GFPT2: variants seen among roughly 807,000 people sequenced by gnomAD.
The protein encoded by GFPT2 is glutamine--fructose-6-phosphate transaminase 2, also known as glutamine--fructose-6-phosphate aminotransferase [isomerizing] 2.
A neutral mutation model predicts 85.6 loss-of-function variants in GFPT2; 62 were observed. The ratio of observed to expected loss-of-function variants is 0.72; its 90% CI spans 0.59 to 0.90. The LOEUF (loss-of-function observed/expected upper bound fraction) is 0.90, where lower values mean the gene tolerates loss of function less well. Among genes scored for constraint, GFPT2 ranks in the 40% least tolerant of loss-of-function variants. The pLI is 0.00. For synonymous variants in GFPT2, 368 were observed against 344.5 expected (o/e 1.07, Z -0.75); for missense variants, 788 against 893.4 (o/e 0.88, Z 1.50).
intron 18 of GFPT2, 85 bp downstream of exon 18, chr5:180,302,338 A>G: frequency 2.1e-6 from 2 of 972,730 alleles, no homozygotes; most frequent in Non-Finnish European, 3.1e-6. Flanking sequence ...CTCTATGACT[A>G]TTTACTCCAA....
chr5:180,307,200 A>G lies in GFPT2; in HGVS notation c.1650T>C (p.Tyr550=), dbSNP rs73343449. 376,309 of 1,595,406 alleles carry G rather than the reference A, an allele frequency of 0.24. 45,164 individuals carry two copies. Among genetic ancestry groups the G allele is most frequent in the Non-Finnish European group, 0.25 (288,860 of 1,170,780 alleles). ...CCAGGGCTCCTTCCAGGCAGGTGGC[A>G]TAGTTGTAGCCCCGCCCCATCACCA... ...SLLVMGRGYN[Y]ATCLEGALKI... Residue 550 remains tyrosine (Y), a synonymous_variant, in exon 16 of 19, where the codon TAT becomes TAC. Transcript: ENST00000253778.
chr5:180,302,425 C>T lies in GFPT2; in HGVS notation c.2002G>A (p.Asp668Asn). 6.2e-7 allele frequency: 1 copy of T among 1,612,994 alleles called. No individual in the cohort carries two copies. Among genetic ancestry groups the T allele is most frequent in the Non-Finnish European group, 8.5e-7 (1 of 1,179,534 alleles). ...SFHLAVLRGY[D>N]VDFPRNLAKS... The stretch of plus-strand genomic sequence containing the variant: ...TTAGGTGCAGTTTTTAGACGCACGT[C>T]ATATCCTCGGAGAACAGCCAGGTGG... Residue 668 changes from aspartate (D) to asparagine (N), a missense_variant and splice_region_variant, in exon 18 of 19, where the codon GAC becomes AAC. Asp to Asn is a conservative substitution (Grantham distance 23). Transcript: ENST00000253778.
chr5:180,315,303 G>A (rs1287040773), intron 13 of GFPT2, among the ~76,000 whole-genome samples: 1 of 151,798 alleles, frequency 6.6e-6, no homozygotes, highest in Non-Finnish European at 1.5e-5. Context: ...TCAGCCTCCT[G>A]AGTAGCCGGG....
chr5:180,318,914 G>A lies in GFPT2; in HGVS notation c.837C>T (p.Asp279=), dbSNP rs199515597. ...CATCAGCCACTGCGGCGATGTCATC[G>A]TCCTCCAGGAAGATGACCCGGTTGG... ...EHTNRVIFLE[D]DDIAAVADGK... is the part of the protein sequence containing the mutation. The change falls in exon 10 of 19, where the codon GAC becomes GAT. Residue 279 remains aspartate (D), a synonymous_variant. Coordinates refer to ENST00000253778, the MANE Select transcript of GFPT2 (RefSeq NM_005110.4). This position sits in a 1 kb window ranked among gnomAD's most constrained non-coding sequence, Gnocchi z 4.2. 95 of 1,613,534 alleles carry A rather than the reference G, an allele frequency of 5.9e-5. No homozygotes were observed. The Admixed American group carries it at 1.0e-3, about 17-fold the overall frequency.
At chr5:180,333,681 G>C (rs1342811804) in intron 4 of GFPT2, among the ~76,000 whole-genome samples, 1 of 152,152 alleles carries the variant, frequency 6.6e-6, no homozygotes, top group African/African-American at 2.4e-5. Context: ...TAGTTGCTGG[G>C]CGTTCAGACT....
intron 10 of GFPT2, 144 bp from the exon 11 acceptor site, chr5:180,317,202 A>G: frequency 3.0e-6 from 2 of 669,424 alleles, no homozygotes; most frequent in Non-Finnish European, 2.7e-6. Context: ...ACTCACTACC[A>G]TCAGAGGGAA....
rs1167596922 is a variant in GFPT2 at position 180,300,975 on chromosome 5, T to C, written c.*589A>G. The C allele has an allele frequency of 6.5e-6, 1 of 153,084 alleles. No individual in the cohort carries two copies. The highest frequency in any genetic ancestry group is 1.9e-4 in the East Asian group (1 of 5,190). The allele number at this position is 153,084 out of a possible 1,614,324, so 9.5% of individuals were successfully genotyped here. On this transcript the variant is annotated 3_prime_UTR_variant, in exon 19 of 19. Coordinates refer to ENST00000253778, the MANE Select transcript of GFPT2 (RefSeq NM_005110.4). ...ATTTCAACTGGACTTATAGGAGGCA[T>C]AGGTGGATGCAGGAGGGGCTCCACG...
intron 7 of GFPT2, among the ~76,000 whole-genome samples, chr5:180,326,890 C>T (rs1389525949): frequency 6.6e-6 from 1 of 152,164 alleles, no homozygotes; most frequent in Admixed American, 6.5e-5. Context: ...ATTGCTTCTT[C>T]ACGCTGCCTT....
intron 13 of GFPT2, among the ~76,000 whole-genome samples, 177 bp from the exon 14 acceptor site, chr5:180,314,141 G>A (rs1382419170): frequency 6.6e-6 from 1 of 152,112 alleles, no homozygotes; most frequent in African/African-American, 2.4e-5. Flanking sequence ...TACATTCAAG[G>A]TGTGTTACTA....
chr5:180,327,912 A>C (rs1227818287), intron 7 of GFPT2, among the ~76,000 whole-genome samples: 2 of 151,990 alleles, frequency 1.3e-5, no homozygotes, highest in Non-Finnish European at 2.9e-5. Context: ...TCATGTTCAT[A>C]ATTTTGCTTT....
chr5:180,340,123 C>T (rs1254478413), intron 1 of GFPT2, among the ~76,000 whole-genome samples: 1 of 152,028 alleles, frequency 6.6e-6, no homozygotes, highest in Non-Finnish European at 1.5e-5. Context: ...GCCCGTTCCT[C>T]ACAGACAGTG....
chr5:180,303,224 C>T (rs149498673), intron 17 of GFPT2, among the ~76,000 whole-genome samples: 4 of 131,938 alleles, frequency 3.0e-5, no homozygotes, highest in South Asian at 4.8e-4. Context: ...AGCCAGACTC[C>T]GTCACAAAAA....
rs368794746 is a variant in GFPT2 at position 180,307,345 on chromosome 5, G to A, written c.1547-42C>T. 2.7e-5 allele frequency: 44 copies of A among 1,606,694 alleles called. No individual in the cohort carries two copies. The East Asian group carries it at 2.9e-4, about 11-fold the overall frequency. ...GCAGAGGGAGAAAACCAGTCAGGCC[G>A]ACTTTAAAGCAATATTCATGAAGAC... On this transcript the variant is annotated intron_variant, in intron 15 of 18. Transcript: ENST00000253778.
In GFPT2 at chr5:180,346,904, G is replaced by T. The variant is rs139795722; in HGVS notation, c.7+6307C>A. ...GGATTTTAAATGAGCTGAGAACGGGGCAGTAAATAACACCAAACTTCTTTG... is the reference window on the plus strand; with the variant it reads ...GGATTTTAAATGAGCTGAGAACGGGTCAGTAAATAACACCAAACTTCTTTG... On this transcript the variant is annotated intron_variant, in intron 1 of 18. Transcript: ENST00000253778. Among the ~76,000 whole-genome samples, 5 of 152,346 alleles carry T rather than the reference G, an allele frequency of 3.3e-5. No individual in the cohort carries two copies. In the East Asian group the frequency reaches 9.6e-4, roughly 29 times the overall value.
intron 13 of GFPT2, among the ~76,000 whole-genome samples, chr5:180,315,251 C>A (rs1581373120): frequency 6.6e-6 from 1 of 151,548 alleles, no homozygotes; most frequent in South Asian, 2.1e-4. Flanking sequence ...GATCTCAGCT[C>A]ACTGCAAGCT....
chr5:180,311,517 T>C (rs3828688), intron 15 of GFPT2, among the ~76,000 whole-genome samples: 75,617 of 152,044 alleles, frequency 0.5, 19,143 homozygotes, highest in East Asian at 0.62. Flanking sequence ...GGGGAAAGTG[T>C]GGTGGGGCTG....
intron 1 of GFPT2, chr5:180,352,711 G>T (rs1306442402): frequency 2.4e-6 from 1 of 414,674 alleles, no homozygotes; most frequent in Non-Finnish European, 4.8e-6. Flanking sequence ...CGCAGCGGGG[G>T]CGACCGGGCG....
chr5:180,321,367 T>C (rs1358500295), intron 9 of GFPT2, among the ~76,000 whole-genome samples: 3 of 152,250 alleles, frequency 2.0e-5, no homozygotes, highest in Non-Finnish European at 4.4e-5. Flanking sequence ...ATTTCCAAAA[T>C]GGGTAGTCAT....
Position 180,313,897 on chromosome 5 carries a change from G to A in GFPT2, c.1341C>T (p.Val447=). 1 of 1,606,962 alleles carries A rather than the reference G, an allele frequency of 6.2e-7. No homozygotes were observed. Among genetic ancestry groups the A allele is most frequent in the African/African-American group, 1.3e-5 (1 of 74,992 alleles). The change falls in exon 14 of 19, where the codon GTC becomes GTT. Residue 447 remains valine, a synonymous_variant. Transcript: ENST00000253778. ...CKDRGALTVG[V]TNTVGSSISR... Reference sequence around the variant, plus strand: ...AGATGGAGCTGCCCACGGTGTTGGTGACGCCCACGGTGAGAGCGCCGCGGT... The same window carrying A: ...AGATGGAGCTGCCCACGGTGTTGGTAACGCCCACGGTGAGAGCGCCGCGGT...
Sources: allele counts gnomAD v4.1 joint callset (sites outside exome capture counted in the v4.1 genomes callset), GRCh38; gene constraint gnomAD v4.1.1; non-coding constraint Gnocchi (gnomAD v3.1); transcripts MANE v1.5; gene names NCBI Gene and HGNC (gene_info 2026-07-23, HGNC 2026-07-21).